KDR: variants seen among roughly 807,000 people sequenced by gnomAD.
The protein encoded by KDR is vascular endothelial growth factor receptor 2.
Under a neutral mutation model 160.9 loss-of-function variants are expected in KDR, and 43 were observed. That is an observed-to-expected ratio of 0.27 (90% CI 0.21 to 0.34). KDR has a LOEUF of 0.34. Ranked by LOEUF, KDR falls within the 10% of genes least tolerant of loss-of-function variation. The pLI is 1.00. For missense variants in KDR, 1,469 were observed against 1,666.4 expected (o/e 0.88, Z 2.06); for synonymous variants, 617 against 600.1 (o/e 1.03, Z -0.41).
intron 18 of KDR, 40 bp from the exon 19 acceptor site, chr4:55,096,382 C>G (rs1181310395): frequency 3.0e-6 from 4 of 1,326,710 alleles, no homozygotes; most frequent in Non-Finnish European, 4.3e-6. Flanking sequence ...TAGGTATGGA[C>G]ATTTCCTTCA....
intron 12 of KDR, 101 bp downstream of exon 12, chr4:55,105,731 G>A (rs1720430802): frequency 2.5e-6 from 2 of 796,386 alleles, no homozygotes; most frequent in Non-Finnish European, 4.6e-6. Context: ...TTTCCTAAAT[G>A]CCATGCCACT....
At chr4:55,089,570 A>ATTTT in intron 24 of KDR, 97 bp from the exon 25 acceptor site, 1 of 1,211,536 alleles carries the variant, frequency 8.3e-7, no homozygotes. Flanking sequence ...CTATGTATCT[A>ATTTT]TTTTTTTTTT....
At chr4:55,092,768 G>T in intron 21 of KDR, 54 bp from the exon 22 acceptor site, 2 of 1,241,790 alleles carry the variant, frequency 1.6e-6, no homozygotes, top group Non-Finnish European at 2.4e-6. Flanking sequence ...TTAGTGTGAT[G>T]TTTCTAAGTT....
intron 13 of KDR, 179 bp downstream of exon 13, chr4:55,104,464 C>G (rs1331483033): frequency 1.5e-6 from 1 of 648,860 alleles, no homozygotes. Context: ...TTTCTCCTTT[C>G]GATATATCAT....
In KDR at chr4:55,095,672, G is replaced by A; in HGVS notation, c.2729-7C>T. 6.2e-7 allele frequency: 1 copy of A among 1,609,694 alleles called. No homozygotes were observed. The highest frequency in any genetic ancestry group is 1.1e-5 in the South Asian group (1 of 90,978). On this transcript the variant is annotated splice_region_variant and splice_polypyrimidine_tract_variant and intron_variant, in intron 19 of 29. Transcript: ENST00000263923. The stretch of plus-strand genomic sequence containing the variant: ...ACAATCACCATGAGTGGCCCTGCAG[G>A]CAGCATGTCCAGGAAGGAAAATGGG...
chr4:55,106,802 A>G lies in KDR; in HGVS notation c.1421T>C (p.Val474Ala). ...ACAAGGGTATGGGTTTGTCACTGAG[A>G]CAGCTTGGCTATAAGAAAGAGATAA... Reference protein sequence around the residue: ...EECANEPSQAVSVTNPYPCEE... With the variant: ...EECANEPSQAASVTNPYPCEE... The change falls in exon 11 of 30, where the codon GTC becomes GCC. Residue 474 changes from valine to alanine, a missense_variant. Around this residue, in one of 7 missense-constraint regions of KDR, gnomAD observed 792 missense variants for 840.9 expected, o/e 0.94. Coordinates refer to ENST00000263923, the MANE Select transcript of KDR (RefSeq NM_002253.4). The G allele has an allele frequency of 6.2e-7, 1 of 1,608,280 alleles. No homozygotes were observed. Among genetic ancestry groups the G allele is most frequent in the Non-Finnish European group, 8.5e-7 (1 of 1,174,674 alleles).
At position 55,114,957 on chromosome 4, in the gene KDR, A is replaced by G. The variant is rs1720695492; in HGVS notation, c.575T>C (p.Ile192Thr). ...KKGFTIPSYM[I>T]SYAGMVFCEA... ...ACAGAAGACCATGCCAGCATAGCTG[A>G]TCATGTAGCTGGGAATAGTAAAGCC... The change falls in exon 5 of 30, where the codon ATC becomes ACC. Residue 192 changes from isoleucine (I) to threonine (T), a missense_variant. By Grantham distance (89) the Ile-to-Thr change is moderately conservative. Transcript: ENST00000263923. 6.2e-7 allele frequency: 1 copy of G among 1,613,392 alleles called. No individual in the cohort carries two copies. The highest frequency in any genetic ancestry group is 1.7e-5 in the Admixed American group (1 of 59,980).
intron 1 of KDR, 81 bp downstream of exon 1, chr4:55,125,130 CTCTCCAGCTCTACGAT>C: frequency 8.7e-7 from 1 of 1,144,036 alleles, no homozygotes; most frequent in Non-Finnish European, 1.3e-6. Context: ...TCCTGTCCAA[CTCTCCAGCTCTACGAT>C]TCCGAGTTAG....
intron 24 of KDR, 57 bp downstream of exon 24, chr4:55,089,634 A>G (rs1719957159): frequency 6.6e-7 from 1 of 1,517,184 alleles, no homozygotes; most frequent in Non-Finnish European, 9.2e-7. Context: ...AGAGGAAAAG[A>G]CAACTTTTGT....
At chr4:55,122,750 T>C (rs1720922766) in intron 1 of KDR, 3 of 152,212 alleles carry the variant, frequency 2.0e-5, no homozygotes, top group African/African-American at 7.2e-5. Context: ...GACTTATGTT[T>C]AGAACAGTTT....
At chr4:55,086,783 A>G (rs995204728) in intron 27 of KDR, among the ~76,000 whole-genome samples, 2 of 152,184 alleles carry the variant, frequency 1.3e-5, no homozygotes, top group African/African-American at 2.4e-5. Context: ...TCTGGACATG[A>G]GAGAGCTCCC....
intron 1 of KDR, among the ~76,000 whole-genome samples, chr4:55,121,833 T>C (rs562709055): frequency 6.6e-6 from 1 of 152,192 alleles, no homozygotes. Context: ...TATACTTTTA[T>C]GTATGTGTGG....
At chr4:55,118,527 C>T (rs1720787435) in intron 3 of KDR, 77 bp downstream of exon 3, 12 of 1,149,976 alleles carry the variant, frequency 1.0e-5, no homozygotes, top group Middle Eastern at 2.3e-4. Context: ...CTTTGTTGTA[C>T]TCAATTCTTC....
At chr4:55,108,849 G>T (rs1173025207) in intron 9 of KDR, among the ~76,000 whole-genome samples, 1 of 151,936 alleles carries the variant, frequency 6.6e-6, no homozygotes, top group African/African-American at 2.4e-5. Flanking sequence ...TAAAGCCTCA[G>T]ATTATGCTTT....
intron 23 of KDR, 49 bp downstream of exon 23, chr4:55,089,907 T>A (rs1578128360): frequency 1.2e-6 from 2 of 1,611,416 alleles, no homozygotes; most frequent in Middle Eastern, 1.7e-4. Flanking sequence ...CTACGAGGAG[T>A]TTTAATTCTG....
intron 22 of KDR, chr4:55,092,400 G>A (rs1211239516): frequency 5.4e-6 from 3 of 554,078 alleles, no homozygotes; most frequent in South Asian, 3.9e-5. Flanking sequence ...ACACTTAGTA[G>A]ATGCTTGACA....
At chr4:55,082,122 CATCT>C (rs1245554729) in intron 28 of KDR, 81 bp from the exon 29 acceptor site, 19 of 992,524 alleles carry the variant, frequency 1.9e-5, no homozygotes, top group Non-Finnish European at 2.8e-5. Flanking sequence ...TTTCTCAACC[CATCT>C]ATCATGTCTA....
chr4:55,114,364 C>G (rs906141754), intron 5 of KDR, 99 bp from the exon 6 acceptor site: 1 of 1,314,658 alleles, frequency 7.6e-7, no homozygotes. Context: ...TTAAAACATG[C>G]CACATTGTTT....
intron 1 of KDR, among the ~76,000 whole-genome samples, chr4:55,122,509 T>C (rs542059662): frequency 6.6e-6 from 1 of 152,202 alleles, no homozygotes; most frequent in South Asian, 2.1e-4. Context: ...AGAGTATAAG[T>C]AAATACCCAG....
Sources: gnomAD v4.1 joint callset for allele counts (sites outside exome capture counted in the v4.1 genomes callset) on GRCh38, gnomAD v4.1.1 for gene constraint, gnomAD v4.1.1 regional missense constraint, MANE v1.5 for transcripts, NCBI Gene and HGNC (gene_info 2026-07-23, HGNC 2026-07-21) for gene names.